Variants in SLC35E3 observed in about 807,000 individuals in gnomAD.
SLC35E3 encodes solute carrier family 35 member E3.
In SLC35E3, 28 loss-of-function variants were observed where a neutral mutation model predicts 30.8. The observed-to-expected ratio is 0.91, with a 90% confidence interval of 0.67 to 1.25. The LOEUF (loss-of-function observed/expected upper bound fraction) is 1.25. SLC35E3 is among the 50% of genes most tolerant of loss of function. The pLI is 0.00. For synonymous variants in SLC35E3, 146 were observed against 149.2 expected (o/e 0.98, Z 0.16); for missense variants, 365 against 375.4 (o/e 0.97, Z 0.23).
chr12:68,772,554 TA>T lies in SLC35E3; in HGVS notation c.*7665del, dbSNP rs1324970629. 2 of 152,180 alleles carry T rather than the reference TA, an allele frequency of 1.3e-5. No homozygotes were observed. Among genetic ancestry groups the T allele is most frequent in the African/African-American group, 4.8e-5 (2 of 41,438 alleles). 9.4% of individuals were successfully genotyped at this position (152,180 alleles called of 1,614,324 possible). Reference sequence around the variant, plus strand: ...AATTCAATGAATTATTTATGAGTATTAGGGGAATGTTTTTGTTATGCTGCTT... The same window carrying T: ...AATTCAATGAATTATTTATGAGTATTGGGGAATGTTTTTGTTATGCTGCTT... On this transcript the variant is annotated 3_prime_UTR_variant, in exon 5 of 5. Transcript: ENST00000398004.
chr12:68,754,277 TTTTTG>T lies in SLC35E3; in HGVS notation c.672+2108_672+2112del, dbSNP rs886111167. ...AGGGTCTATTTTGTTGTTGTTGTTG[TTTTTG>T]TTTTGTTTTGTTTTGTTTTGAGTCA... On this transcript the variant is annotated intron_variant, in intron 3 of 4. Coordinates refer to ENST00000398004, the MANE Select transcript of SLC35E3 (RefSeq NM_018656.5). Among the ~76,000 whole-genome samples the T allele has an allele frequency of 1.1e-4, 16 of 151,932 alleles. No homozygotes were observed. The South Asian group carries it at 1.9e-3, about 18-fold the overall frequency.
chr12:68,746,817 A>C, intron 1 of SLC35E3, 38 bp downstream of exon 1: 2 of 1,530,372 alleles, frequency 1.3e-6, no homozygotes, highest in South Asian at 1.3e-5. Context: ...CGCTCTCCCG[A>C]CCCACCTCCT....
chr12:68,774,765 G>GC lies in SLC35E3; in HGVS notation c.*9876dup, dbSNP rs1491513150. 1.2e-4 allele frequency: 1 copy of GC among 8,208 alleles called. No homozygotes were observed. The highest frequency in any genetic ancestry group is 2.7e-4 in the African/African-American group (1 of 3,728). The allele number at this position is 8,208 out of a possible 1,614,324, so 0.5% of individuals were successfully genotyped here. A position where few individuals can be genotyped will look rare whatever the true frequency, so the allele number is the denominator to read the frequency against. ...AAACAAACAAAACAAACAAAAATAA[G>GC]CAAAAAAAAAAAAGTGTTGAGCAGC... On this transcript the variant is annotated 3_prime_UTR_variant, in exon 5 of 5. Coordinates refer to ENST00000398004, the MANE Select transcript of SLC35E3 (RefSeq NM_018656.5).
Position 68,746,894 on chromosome 12 carries a change from C to T in SLC35E3, c.402+115C>T. 1.8e-5 allele frequency: 21 copies of T among 1,140,488 alleles called. No individual in the cohort carries two copies. In the South Asian group the frequency reaches 3.4e-4, roughly 18 times the overall value. The allele number at this position is 1,140,488 out of a possible 1,614,324, so 70.6% of individuals were successfully genotyped here. A position where few individuals can be genotyped will look rare whatever the true frequency, so the allele number is the denominator to read the frequency against. On this transcript the variant is annotated intron_variant, in intron 1 of 4. Coordinates refer to ENST00000398004, the MANE Select transcript of SLC35E3 (RefSeq NM_018656.5). ...TTCATCTTGAAATCCACAAATGAGT[C>T]ATCTGTGGGCATGTGAACTTTTAGG... is the stretch of plus-strand genomic sequence containing the variant.
intron 3 of SLC35E3, among the ~76,000 whole-genome samples, chr12:68,754,649 A>G (rs762115089): frequency 6.6e-6 from 1 of 152,214 alleles, no homozygotes; most frequent in Non-Finnish European, 1.5e-5. Flanking sequence ...ACTATGAACA[A>G]TATTGTGATA....
At position 68,752,059 on chromosome 12, in the gene SLC35E3, C is replaced by T; in HGVS notation, c.541C>T (p.Gln181Ter). ...GGTAGGAGCCAAACAGCATGAATTA[C>T]AAGTGAACTCAATGCAGCTGCTGTA... ...VWVGAKQHEL[Q>*]VNSMQLLYYQ... The change falls in exon 3 of 5, where the codon CAA (glutamine) becomes TAA (stop). Residue 181 changes from glutamine (Q) to a stop codon, truncating the protein, a stop_gained. Transcript: ENST00000398004. LOFTEE classifies it high-confidence loss of function. 1 of 1,607,876 alleles carries T rather than the reference C, an allele frequency of 6.2e-7. No individual in the cohort carries two copies. Among genetic ancestry groups the T allele is most frequent in the Non-Finnish European group, 8.5e-7 (1 of 1,178,344 alleles).
At chr12:68,748,974 T>G (rs1367032086) in intron 2 of SLC35E3, among the ~76,000 whole-genome samples, 2 of 152,254 alleles carry the variant, frequency 1.3e-5, no homozygotes, top group African/African-American at 4.8e-5. Flanking sequence ...AAATACATTT[T>G]CTAGTGGCAG....
chr12:68,759,476 G>A lies in SLC35E3; in HGVS notation c.755+237G>A, dbSNP rs12316896. Among the ~76,000 whole-genome samples, 6,204 of 152,188 alleles carry A rather than the reference G, an allele frequency of 0.041. 452 individuals carry two copies. Among genetic ancestry groups the A allele is most frequent in the African/African-American group, 0.14 (5,875 of 41,488 alleles). Reference sequence around the variant, plus strand: ...CCCAACACTTCAGGAGGCCGAGGCGGGTGAATCGCTTAAGGCCAGGAGTTC... The same window carrying A: ...CCCAACACTTCAGGAGGCCGAGGCGAGTGAATCGCTTAAGGCCAGGAGTTC... On this transcript the variant is annotated intron_variant, in intron 4 of 4. Transcript: ENST00000398004.
At chr12:68,748,429 A>G (rs1878676115) in intron 2 of SLC35E3, among the ~76,000 whole-genome samples, 1 of 152,120 alleles carries the variant, frequency 6.6e-6, no homozygotes, top group African/African-American at 2.4e-5. Flanking sequence ...ACAGTAATGA[A>G]AAATTTCAGA....
intron 4 of SLC35E3, among the ~76,000 whole-genome samples, chr12:68,762,341 A>C (rs1879256348): frequency 6.6e-6 from 1 of 152,168 alleles, no homozygotes; most frequent in African/African-American, 2.4e-5. Flanking sequence ...GTGGAGGATG[A>C]GAAGGAGCAG....
In SLC35E3 at chr12:68,774,114, A is replaced by G. The variant is rs1169007605; in HGVS notation, c.*9224A>G. 2 of 152,184 alleles carry G rather than the reference A, an allele frequency of 1.3e-5. No individual in the cohort carries two copies. Among genetic ancestry groups the G allele is most frequent in the South Asian group, 4.1e-4 (2 of 4,820 alleles). The allele number at this position is 152,184 out of a possible 1,614,324, so 9.4% of individuals were successfully genotyped here. ...GAATTGTGCTAATCAGCTTATGACT[A>G]TAAAAGAGAGGTGAAGAGAGCCAGA... On this transcript the variant is annotated 3_prime_UTR_variant, in exon 5 of 5. Coordinates refer to ENST00000398004, the MANE Select transcript of SLC35E3 (RefSeq NM_018656.5).
chr12:68,752,885 C>G (rs1240370661), intron 3 of SLC35E3, among the ~76,000 whole-genome samples: 1 of 152,014 alleles, frequency 6.6e-6, no homozygotes, highest in Non-Finnish European at 1.5e-5. Flanking sequence ...GTGGCTCATG[C>G]CTGTAATCCC....
intron 3 of SLC35E3, among the ~76,000 whole-genome samples, chr12:68,753,606 T>C (rs1878887730): frequency 1.3e-5 from 2 of 152,152 alleles, no homozygotes; most frequent in South Asian, 4.1e-4. Flanking sequence ...CATGTGTGTA[T>C]AATTTTAGAT....
chr12:68,777,094 C>CA lies in SLC35E3; in HGVS notation c.*12205dup, dbSNP rs1879766461. The CA allele has an allele frequency of 6.6e-6, 1 of 152,196 alleles. No individual in the cohort carries two copies. Among genetic ancestry groups the CA allele is most frequent in the Non-Finnish European group, 1.5e-5 (1 of 68,054 alleles). The allele number at this position is 152,196 out of a possible 1,614,324, so 9.4% of individuals were successfully genotyped here. On this transcript the variant is annotated 3_prime_UTR_variant, in exon 5 of 5. Coordinates refer to ENST00000398004, the MANE Select transcript of SLC35E3 (RefSeq NM_018656.5). The stretch of plus-strand genomic sequence containing the variant: ...ATGCTTAAGTCTTGGAACTGGCCAT[C>CA]AGTGTGAAAGTTCAACAGGTATTCA...
chr12:68,753,272 A>C (rs1878872452), intron 3 of SLC35E3, among the ~76,000 whole-genome samples: 2 of 151,392 alleles, frequency 1.3e-5, no homozygotes, highest in South Asian at 4.2e-4. Flanking sequence ...ACAGAGCAAG[A>C]CTCTGTCTCA....
In SLC35E3 at chr12:68,770,213, T is replaced by G. The variant is rs1194262556; in HGVS notation, c.*5323T>G. ...AAAAGGATGGAGTCTGGAGACTAAA[T>G]TTGGGAGTGGGGAGACATGGTGTGT... On this transcript the variant is annotated 3_prime_UTR_variant, in exon 5 of 5. Coordinates refer to ENST00000398004, the MANE Select transcript of SLC35E3 (RefSeq NM_018656.5). The G allele has an allele frequency of 6.6e-6, 1 of 152,188 alleles. No individual in the cohort carries two copies. Among genetic ancestry groups the G allele is most frequent in the African/African-American group, 2.4e-5 (1 of 41,428 alleles). The allele number at this position is 152,188 out of a possible 1,614,324, so 9.4% of individuals were successfully genotyped here.
chr12:68,754,537 C>T (rs1371849718), intron 3 of SLC35E3, among the ~76,000 whole-genome samples: 3 of 152,104 alleles, frequency 2.0e-5, no homozygotes, highest in African/African-American at 4.8e-5. Flanking sequence ...CCACCCACCT[C>T]GGCCTCCCAA....
Position 68,773,930 on chromosome 12 carries a change from C to T in SLC35E3, c.*9040C>T, listed in dbSNP as rs1487752203. The T allele has an allele frequency of 6.6e-6, 1 of 152,182 alleles. No individual in the cohort carries two copies. Among genetic ancestry groups the T allele is most frequent in the Non-Finnish European group, 1.5e-5 (1 of 68,040 alleles). 9.4% of individuals were successfully genotyped at this position (152,182 alleles called of 1,614,324 possible). Reference sequence around the variant, plus strand: ...GAAATACTAAATTCTCTTTTTACCTCGTTGCCTTGTAGAGGGATGATCATA... The same window carrying T: ...GAAATACTAAATTCTCTTTTTACCTTGTTGCCTTGTAGAGGGATGATCATA... On this transcript the variant is annotated 3_prime_UTR_variant, in exon 5 of 5. Transcript: ENST00000398004.
Position 68,767,908 on chromosome 12 carries a change from T to C in SLC35E3, c.*3018T>C, listed in dbSNP as rs1232972533. The stretch of plus-strand genomic sequence containing the variant: ...TGTGTATGTTTAAATTGTAATTATT[T>C]CCCAAAAGCTGAGGAAAATGTTTCA... On this transcript the variant is annotated 3_prime_UTR_variant, in exon 5 of 5. Transcript: ENST00000398004. 6.6e-6 allele frequency: 1 copy of C among 152,204 alleles called. No individual in the cohort carries two copies. The highest frequency in any genetic ancestry group is 1.5e-5 in the Non-Finnish European group (1 of 68,038). The allele number at this position is 152,204 out of a possible 1,614,324, so 9.4% of individuals were successfully genotyped here. A position where few individuals can be genotyped will look rare whatever the true frequency, so the allele number is the denominator to read the frequency against.
Sources: allele counts gnomAD v4.1 joint callset (sites outside exome capture counted in the v4.1 genomes callset), GRCh38; gene constraint gnomAD v4.1.1; transcripts MANE v1.5; gene names NCBI Gene and HGNC (gene_info 2026-07-23, HGNC 2026-07-21).